SERPINA12: variants seen among roughly 807,000 people sequenced by gnomAD.
SERPINA12 encodes serpin family A member 12.
A neutral mutation model predicts 25.9 loss-of-function variants in SERPINA12; 21 were observed. That is an observed-to-expected ratio of 0.81 (90% CI 0.58 to 1.17). The LOEUF is 1.17. Ranked by LOEUF, SERPINA12 falls within the 50% of genes most tolerant of loss-of-function variation. The pLI is 0.00. For missense variants in SERPINA12, 562 were observed against 508.3 expected (o/e 1.11, Z -1.02); for synonymous variants, 220 against 196.0 (o/e 1.12, Z -1.02).
chr14:94,494,309 C>T (rs1379482979), intron 3 of SERPINA12, among the ~76,000 whole-genome samples: 3 of 152,206 alleles, frequency 2.0e-5, no homozygotes, highest in Non-Finnish European at 2.9e-5. Context: ...TTGGGGATGT[C>T]CCCATGTTGA....
At chr14:94,489,366 C>T (rs1396930497) in intron 4 of SERPINA12, among the ~76,000 whole-genome samples, 1 of 152,170 alleles carries the variant, frequency 6.6e-6, no homozygotes, top group Non-Finnish European at 1.5e-5. Context: ...CTGTTCCAGG[C>T]CTTGATCAAC....
At chr14:94,506,297 A>C (rs1385791988) in intron 1 of SERPINA12, among the ~76,000 whole-genome samples, 1 of 152,206 alleles carries the variant, frequency 6.6e-6, no homozygotes, top group Non-Finnish European at 1.5e-5. Flanking sequence ...CAGATGGAAG[A>C]AACATGTTAG....
chr14:94,490,460 C>A (rs139042682), intron 3 of SERPINA12, among the ~76,000 whole-genome samples: 110 of 152,076 alleles, frequency 7.2e-4, no homozygotes, highest in African/African-American at 2.4e-3. Flanking sequence ...GTTCACCTGG[C>A]CTTGCACCCT....
intron 1 of SERPINA12, among the ~76,000 whole-genome samples, chr14:94,500,393 C>T (rs569335520): frequency 1.3e-5 from 2 of 152,206 alleles, no homozygotes; most frequent in East Asian, 3.9e-4. Flanking sequence ...TCTCAGGCAG[C>T]CCATGTGCCT....
chr14:94,509,354 G>C lies in SERPINA12; in HGVS notation c.-46C>G, dbSNP rs983492523. Among the ~76,000 whole-genome samples, 1 of 141,232 alleles carries C rather than the reference G, an allele frequency of 7.1e-6. No homozygotes were observed. Among genetic ancestry groups the C allele is most frequent in the Non-Finnish European group, 1.6e-5 (1 of 64,482 alleles). The allele number at this position is 141,232 out of a possible 152,430, so 92.7% of individuals were successfully genotyped here. On this transcript the variant is annotated 5_prime_UTR_variant, in exon 1 of 5. Transcript: ENST00000677451. The stretch of plus-strand genomic sequence containing the variant: ...CCCTTGGACTAACCTCACCTCCCCA[G>C]TTTCTCCTTTCCCCTCAGGTCAGTC...
chr14:94,487,773 G>A (rs1899967297), intron 4 of SERPINA12, among the ~76,000 whole-genome samples: 1 of 152,156 alleles, frequency 6.6e-6, no homozygotes, highest in Non-Finnish European at 1.5e-5. Context: ...CTTTCTCATG[G>A]GTTACAGGGA....
At chr14:94,489,173 A>AAG (rs144597832) in intron 4 of SERPINA12, among the ~76,000 whole-genome samples, 2 of 151,196 alleles carry the variant, frequency 1.3e-5, no homozygotes, top group East Asian at 3.9e-4. Context: ...GAAAGAAAAA[A>AAG]AGAGAGAGAG....
chr14:94,496,137 C>T (rs576600865), intron 3 of SERPINA12, among the ~76,000 whole-genome samples: 21 of 152,118 alleles, frequency 1.4e-4, no homozygotes, highest in Non-Finnish European at 2.5e-4. Context: ...TCCCTGACCA[C>T]CGCCCTCCAG....
chr14:94,510,808 G>A (rs1202734716), upstream of SERPINA12, among the ~76,000 whole-genome samples: 1 of 152,206 alleles, frequency 6.6e-6, no homozygotes, highest in African/African-American at 2.4e-5. Context: ...TTGGATGGAG[G>A]TGGAGGCCAT....
At chr14:94,490,479 A>G (rs1302523993) in intron 3 of SERPINA12, among the ~76,000 whole-genome samples, 1 of 151,578 alleles carries the variant, frequency 6.6e-6, no homozygotes, top group East Asian at 2.0e-4. Flanking sequence ...CTATTTTCCC[A>G]CCTACCCAAG....
intron 3 of SERPINA12, among the ~76,000 whole-genome samples, chr14:94,493,941 G>A (rs534512129): frequency 6.6e-6 from 1 of 152,230 alleles, no homozygotes. Context: ...GCTGCAGAGG[G>A]CCTCAGTGAG....
At position 94,489,686 on chromosome 14, in the gene SERPINA12, GGA is replaced by G. The variant is rs1169234122; in HGVS notation, c.985_986del (p.Ser329GlnfsTer4). On this transcript the variant is annotated frameshift_variant, in exon 4 of 5. Coordinates refer to ENST00000677451, the MANE Select transcript of SERPINA12 (RefSeq NM_001382267.1). LOFTEE classifies it high-confidence loss of function. ...GATCACCATGTTCCTCAAAGATTTTGGAGACACCTATGTAGGAGAGAGTCTTC... is the reference window on the plus strand; with the variant it reads ...GATCACCATGTTCCTCAAAGATTTTGGACACCTATGTAGGAGAGAGTCTTC... Reference protein sequence around the residue: ...LKKTLSYIGVSKIFEEHGDLT... With the variant: ...LKKTLSYIGVXKIFEEHGDLT... The G allele has an allele frequency of 6.2e-7, 1 of 1,614,178 alleles. No homozygotes were observed. Among genetic ancestry groups the G allele is most frequent in the African/African-American group, 1.3e-5 (1 of 75,052 alleles).
At chr14:94,505,777 C>G (rs1410699953) in intron 1 of SERPINA12, among the ~76,000 whole-genome samples, 1 of 152,186 alleles carries the variant, frequency 6.6e-6, no homozygotes, top group Non-Finnish European at 1.5e-5. Flanking sequence ...AGGAAGAGGC[C>G]AGGGTAGGGA....
rs1900421274 is a variant in SERPINA12, at chr14:94,496,409, TC to T, written c.868del (p.Asp290ThrfsTer15). The T allele has an allele frequency of 6.2e-7, 1 of 1,614,026 alleles. No homozygotes were observed. The highest frequency in any genetic ancestry group is 1.3e-5 in the African/African-American group (1 of 74,906). Reference protein sequence around the residue: ...LKHLEKGLQVDTFSRWKTLLS... With the variant: ...LKHLEKGLQVXTFSRWKTLLS... ...TAATGTTTTCCATCTGGAGAAAGTG[TC>T]CACCTGCAATCCCTTCTCCAAGTGC... On this transcript the variant is annotated frameshift_variant, in exon 3 of 5. Transcript: ENST00000677451. LOFTEE classifies it high-confidence loss of function.
chr14:94,496,291 C>T (rs1900413233), intron 3 of SERPINA12, 82 bp downstream of exon 3: 59 of 1,405,020 alleles, frequency 4.2e-5, no homozygotes, highest in Non-Finnish European at 5.9e-5. Context: ...AGGACTTGGC[C>T]ATGAGGTAAG....
At chr14:94,508,797 A>T (rs1901020465) in intron 1 of SERPINA12, among the ~76,000 whole-genome samples, 1 of 152,238 alleles carries the variant, frequency 6.6e-6, no homozygotes, top group African/African-American at 2.4e-5. Context: ...ATCAGCAAAA[A>T]GTAAAAAATT....
chr14:94,487,553 C>T (rs576365021), intron 4 of SERPINA12, 59 bp from the exon 5 acceptor site: 538 of 1,476,362 alleles, frequency 3.6e-4, no homozygotes, highest in African/African-American at 6.2e-4. Context: ...CACAGTGGGC[C>T]GGAGGCCCAG....
chr14:94,510,977 C>T (rs1005406902), upstream of SERPINA12, among the ~76,000 whole-genome samples: 1 of 152,068 alleles, frequency 6.6e-6, no homozygotes, highest in African/African-American at 2.4e-5. Context: ...TAAAAAACTA[C>T]ATATTGGGTA....
chr14:94,514,281 A>G (rs1901177713), upstream of SERPINA12, among the ~76,000 whole-genome samples: 1 of 152,236 alleles, frequency 6.6e-6, no homozygotes, highest in Non-Finnish European at 1.5e-5. Flanking sequence ...CCAAAGGGCC[A>G]CCAGTGTGTC....
Sources: gnomAD v4.1 joint callset for allele counts (sites outside exome capture counted in the v4.1 genomes callset) on GRCh38, gnomAD v4.1.1 for gene constraint, MANE v1.5 for transcripts, NCBI Gene and HGNC (gene_info 2026-07-23, HGNC 2026-07-21) for gene names.